GP6: variants seen among roughly 807,000 people sequenced by gnomAD.
GP6 encodes the protein glycoprotein VI platelet, also known as platelet glycoprotein VI.
In GP6, 45 loss-of-function variants were observed where a neutral mutation model predicts 37.3. That is an observed-to-expected ratio of 1.21 (90% CI 0.95 to 1.55). The LOEUF is 1.55. Among genes scored for constraint, GP6 ranks in the 40% most tolerant of loss-of-function variants. The pLI is 0.00. For synonymous variants in GP6, 340 were observed against 316.4 expected (o/e 1.07, Z -0.79); for missense variants, 813 against 760.2 (o/e 1.07, Z -0.82).
chr19:55,025,895 A>G (rs1174130602), intron 4 of GP6, among the ~76,000 whole-genome samples: 1 of 140,648 alleles, frequency 7.1e-6, no homozygotes, highest in Non-Finnish European at 1.5e-5. Flanking sequence ...CCATCTACTC[A>G]GGAGGCTGAG....
At chr19:55,025,701 ATCTG>A in intron 4 of GP6, among the ~76,000 whole-genome samples, 1 of 135,096 alleles carries the variant, frequency 7.4e-6, no homozygotes, top group East Asian at 2.2e-4. Context: ...GTAAGACTCC[ATCTG>A]AAAAAAAAAG....
intron 3 of GP6, among the ~76,000 whole-genome samples, chr19:55,029,951 T>C (rs977560329): frequency 2.0e-5 from 3 of 152,050 alleles, no homozygotes; most frequent in East Asian, 3.9e-4. Context: ...TAGACCACAG[T>C]GCAGCTGGCC....
intron 5 of GP6, among the ~76,000 whole-genome samples, chr19:55,022,952 T>A (rs1255021403): frequency 6.6e-6 from 1 of 152,204 alleles, no homozygotes; most frequent in Non-Finnish European, 1.5e-5. Flanking sequence ...ATTTATAGAT[T>A]CATTGCTATT....
At chr19:55,018,450 T>G (rs1020431525) in intron 6 of GP6, among the ~76,000 whole-genome samples, 4 of 152,230 alleles carry the variant, frequency 2.6e-5, no homozygotes, top group African/African-American at 9.6e-5. Context: ...ATCTTTGAAA[T>G]GGCCCCATCA....
At chr19:55,016,001 T>G (rs2073860359) in intron 6 of GP6, among the ~76,000 whole-genome samples, 1 of 151,928 alleles carries the variant, frequency 6.6e-6, no homozygotes, top group Non-Finnish European at 1.5e-5. Flanking sequence ...TAGCCAGGCG[T>G]GGTGGCACGT....
chr19:55,036,626 G>A (rs1219986258), intron 1 of GP6, among the ~76,000 whole-genome samples: 1 of 152,190 alleles, frequency 6.6e-6, no homozygotes, highest in Non-Finnish European at 1.5e-5. Flanking sequence ...TTGAGCCTGG[G>A]AGGTTGAGGC....
intron 5 of GP6, 115 bp downstream of exon 5, chr19:55,025,103 C>T: frequency 1.4e-6 from 1 of 734,860 alleles, no homozygotes; most frequent in Non-Finnish European, 2.5e-6. Flanking sequence ...TAAAACAAAG[C>T]AAATCTGTGA....
intron 5 of GP6, among the ~76,000 whole-genome samples, chr19:55,023,570 C>T (rs2074158762): frequency 6.6e-6 from 1 of 152,208 alleles, no homozygotes. Flanking sequence ...GCTACCCCCT[C>T]TTTGCCTTCT....
At chr19:55,019,747 G>C (rs1291578172) in intron 5 of GP6, among the ~76,000 whole-genome samples, 1 of 144,984 alleles carries the variant, frequency 6.9e-6, no homozygotes, top group South Asian at 2.2e-4. Flanking sequence ...GTGCAATCTC[G>C]GCTCACTGCA....
rs1318558371 is a variant in GP6, at chr19:55,014,540, C to G, written c.1405G>C (p.Val469Leu). Residue 469 changes from valine (V) to leucine (L), a missense_variant, in exon 8 of 8, where the codon GTG becomes CTG. Transcript: ENST00000310373. ...AAGGGAAGCACGGGAGGATTTTGCACAGAGGATGGAACAGAGTCAACCCTG... is the reference window on the plus strand; with the variant it reads ...AAGGGAAGCACGGGAGGATTTTGCAGAGAGGATGGAACAGAGTCAACCCTG... The G allele has an allele frequency of 5.6e-6, 9 of 1,613,714 alleles. No homozygotes were observed. Among genetic ancestry groups the G allele is most frequent in the African/African-American group, 1.3e-5 (1 of 74,912 alleles).
chr19:55,036,247 CAGAAG>C (rs1397428572), intron 1 of GP6, among the ~76,000 whole-genome samples: 1 of 151,952 alleles, frequency 6.6e-6, no homozygotes, highest in South Asian at 2.1e-4. Flanking sequence ...TTCAGAGACT[CAGAAG>C]GGAAGGGCAG....
chr19:55,024,470 C>T (rs1404218654), intron 5 of GP6, among the ~76,000 whole-genome samples: 1 of 152,226 alleles, frequency 6.6e-6, no homozygotes, highest in African/African-American at 2.4e-5. Context: ...AACCTCGGCT[C>T]TTTCCAGCAT....
At chr19:55,030,690 A>C (rs2074530849) in intron 3 of GP6, among the ~76,000 whole-genome samples, 1 of 152,148 alleles carries the variant, frequency 6.6e-6, no homozygotes, top group South Asian at 2.1e-4. Context: ...AGAAATTAGA[A>C]TATTTGCACC....
chr19:55,014,680 T>C lies in GP6; in HGVS notation c.1265A>G (p.His422Arg), dbSNP rs781548792. ...CATCCACAGTGTGCAGGGAGGAGGATGGGGTCTCCACAGATTCCTTCCATC... is the reference window on the plus strand; with the variant it reads ...CATCCACAGTGTGCAGGGAGGAGGACGGGGTCTCCACAGATTCCTTCCATC... Residue 422 changes from histidine to arginine, a missense_variant, in exon 8 of 8, where the codon CAT (histidine) becomes CGT (arginine). Coordinates refer to ENST00000310373, the MANE Select transcript of GP6 (RefSeq NM_001083899.2). 2 of 1,613,982 alleles carry C rather than the reference T, an allele frequency of 1.2e-6. No individual in the cohort carries two copies. The highest frequency in any genetic ancestry group is 8.5e-7 in the Non-Finnish European group (1 of 1,179,926).
In GP6 at chr19:55,014,051, T is replaced by A. The variant is rs997626190; in HGVS notation, c.*31A>T. 9 of 595,758 alleles carry A rather than the reference T, an allele frequency of 1.5e-5. No individual in the cohort carries two copies. In the African/African-American group the frequency reaches 1.6e-4, roughly 11 times the overall value. The allele number at this position is 595,758 out of a possible 1,614,324, so 36.9% of individuals were successfully genotyped here. On this transcript the variant is annotated 3_prime_UTR_variant, in exon 8 of 8. Transcript: ENST00000310373. ...TACATATTTATGGGGTGGACAGCAATATTGCAGTACATGTATACAACGTGC... is the reference window on the plus strand; with the variant it reads ...TACATATTTATGGGGTGGACAGCAAAATTGCAGTACATGTATACAACGTGC...
chr19:55,037,833 G>A (rs1166182215), intron 1 of GP6, among the ~76,000 whole-genome samples: 1 of 151,762 alleles, frequency 6.6e-6, no homozygotes, highest in African/African-American at 2.4e-5. Context: ...ATGTTGACCA[G>A]GCTGGTCTTG....
At position 55,032,184 on chromosome 19, in the gene GP6, T is replaced by C. The variant is rs1319515455; in HGVS notation, c.280A>G (p.Ser94Gly). Residue 94 changes from serine to glycine, a missense_variant, in exon 3 of 8, where the codon AGC becomes GGC. Transcript: ENST00000310373. ...TGGTCGCTGGGCAGGGACCAGAGGCTTCCGTTCTGGTAGGAGCAGCGGTAG... is the reference window on the plus strand; with the variant it reads ...TGGTCGCTGGGCAGGGACCAGAGGCCTCCGTTCTGGTAGGAGCAGCGGTAG... 4 of 1,613,800 alleles carry C rather than the reference T, an allele frequency of 2.5e-6. No homozygotes were observed. The African/African-American group carries it at 4.0e-5, about 16-fold the overall frequency.
chr19:55,025,558 T>G (rs1050755579), intron 4 of GP6, among the ~76,000 whole-genome samples: 1 of 151,392 alleles, frequency 6.6e-6, no homozygotes, highest in Non-Finnish European at 1.5e-5. Flanking sequence ...ATACAAAAAT[T>G]AGCCAGGCGT....
Position 55,032,080 on chromosome 19 carries a change from G to A in GP6, c.325+59C>T, listed in dbSNP as rs111888556. ...CTAATCCCTGCCCTCAATGTCCCCC[G>A]TATTTGTGTCCTGAACGGAGGACCA... On this transcript the variant is annotated intron_variant, in intron 3 of 7. Transcript: ENST00000310373. 2.9e-3 allele frequency: 4,572 copies of A among 1,568,556 alleles called. 13 individuals are homozygous for A. Among genetic ancestry groups the A allele is most frequent in the Non-Finnish European group, 3.4e-3 (3,854 of 1,148,370 alleles).
Sources: gnomAD v4.1 joint callset for allele counts (sites outside exome capture counted in the v4.1 genomes callset) on GRCh38, gnomAD v4.1.1 for gene constraint, MANE v1.5 for transcripts, NCBI Gene and HGNC (gene_info 2026-07-23, HGNC 2026-07-21) for gene names.